The following ST3GAL4 variants were observed in gnomAD, a reference collection of about 807,000 sequenced individuals.
ST3GAL4 encodes the protein ST3 beta-galactoside alpha-2,3-sialyltransferase 4, also known as CMP-N-acetylneuraminate-beta-galactosamide-alpha-2,3-sialyltransferase 4.
In ST3GAL4, 24 loss-of-function variants were observed where a neutral mutation model predicts 42.6. The observed-to-expected ratio is 0.56, with a 90% CI of 0.41 to 0.79. ST3GAL4 has a LOEUF of 0.79. Among genes scored for constraint, ST3GAL4 ranks in the 30% least tolerant of loss-of-function variants. The pLI, the probability that ST3GAL4 is intolerant of heterozygous loss-of-function variation, is 0.00. For synonymous variants in ST3GAL4, 135 were observed against 163.2 expected, an observed-to-expected ratio of 0.83 and a Z score of 1.32; for missense variants, 311 against 430.8, an observed-to-expected ratio of 0.72 and a Z score of 2.46.
In ST3GAL4 at chr11:126,379,850, A is replaced by G. The variant is rs1000563062; in HGVS notation, c.-61+24008A>G. Among the ~76,000 whole-genome samples, 3 of 152,166 alleles carry G rather than the reference A, an allele frequency of 2.0e-5. No homozygotes were observed. Among genetic ancestry groups the G allele is most frequent in the Admixed American group, 6.5e-5 (1 of 15,272 alleles). On this transcript the variant is annotated intron_variant, in intron 1 of 10. Transcript: ENST00000444328. This position sits in a 1 kb window ranked among gnomAD's most constrained non-coding sequence, Gnocchi z 4.2. ...CTAAGAGAGCTCTCATTAGCTGTGAAACATGTACCCAAGGTTCAAGATCCT... is the reference window on the plus strand; with the variant it reads ...CTAAGAGAGCTCTCATTAGCTGTGAGACATGTACCCAAGGTTCAAGATCCT...
At position 126,406,708 on chromosome 11, in the gene ST3GAL4, C is replaced by T. The variant is rs1197143616; in HGVS notation, c.101+151C>T. The T allele has an allele frequency of 1.4e-5, 9 of 621,390 alleles. No individual in the cohort carries two copies. The highest frequency in any genetic ancestry group is 2.2e-5 in the Non-Finnish European group (8 of 370,226). The allele number at this position is 621,390 out of a possible 1,614,324, so 38.5% of individuals were successfully genotyped here. A position where few individuals can be genotyped will look rare whatever the true frequency, so the allele number is the denominator to read the frequency against. On this transcript the variant is annotated intron_variant, in intron 3 of 10. Transcript: ENST00000444328. The surrounding 1 kb of genome is among the most constrained non-coding windows in gnomAD (Gnocchi z 5.4). ...TTCAGCTGCTGGTACGGAGTGTTTC[C>T]ATGAGGGTGGGTGGGGGTAGGGCCT...
chr11:126,390,618 C>CTTTTTTTTTTTTTTT (rs58153137), intron 1 of ST3GAL4, among the ~76,000 whole-genome samples: 87 of 126,616 alleles, frequency 6.9e-4, no homozygotes, highest in Middle Eastern at 4.4e-3. Flanking sequence ...GTGTTCTTTG[C>CTTTTTTTTTTTTTTT]TTTTTTTTTT....
In ST3GAL4 at chr11:126,406,846, T is replaced by G. The variant is rs1954255935; in HGVS notation, c.102-97T>G. ...TTGAGATGATTCCTCCCCGGCACCT[T>G]GGGACCTTCATGCCGTGGGAGAAGG... On this transcript the variant is annotated intron_variant, in intron 3 of 10. Coordinates refer to ENST00000444328, the MANE Select transcript of ST3GAL4 (RefSeq NM_001254757.2). The surrounding 1 kb of genome is among the most constrained non-coding windows in gnomAD (Gnocchi z 5.4). 2.6e-6 allele frequency: 3 copies of G among 1,174,840 alleles called. No homozygotes were observed. The Admixed American group carries it at 5.6e-5, about 22-fold the overall frequency. 72.8% of individuals were successfully genotyped at this position (1,174,840 alleles called of 1,614,324 possible).
chr11:126,385,988 C>A (rs549099394), intron 1 of ST3GAL4, among the ~76,000 whole-genome samples: 1 of 152,252 alleles, frequency 6.6e-6, no homozygotes, highest in East Asian at 1.9e-4. Flanking sequence ...CCCTGGCACC[C>A]CCTTTCCTTC....
Position 126,406,421 on chromosome 11 carries a change from G to T in ST3GAL4, c.17-52G>T. The stretch of plus-strand genomic sequence containing the variant: ...GGGGGCAGGTGGGAAGGTGGACGGG[G>T]GTTGTACCTGCCTGTTGCTGCCTCT... On this transcript the variant is annotated intron_variant, in intron 2 of 10. Coordinates refer to ENST00000444328, the MANE Select transcript of ST3GAL4 (RefSeq NM_001254757.2). This position sits in a 1 kb window ranked among gnomAD's most constrained non-coding sequence, Gnocchi z 5.4. The T allele has an allele frequency of 6.2e-7, 1 of 1,613,588 alleles. No homozygotes were observed. Among genetic ancestry groups the T allele is most frequent in the African/African-American group, 1.3e-5 (1 of 75,036 alleles).
At position 126,414,430 on chromosome 11, in the gene ST3GAL4, T is replaced by TA. The variant is rs1954653335; in HGVS notation, c.*384dup. The TA allele has an allele frequency of 4.4e-6, 1 of 228,276 alleles. No homozygotes were observed. Among genetic ancestry groups the TA allele is most frequent in the Non-Finnish European group, 8.8e-6 (1 of 113,348 alleles). 14.1% of individuals were successfully genotyped at this position (228,276 alleles called of 1,614,324 possible). Reference sequence around the variant, plus strand: ...ATTCTGCCCACTTTTTATAAAAACTTACAGCGATGGCCCCACCAAGGCCTA... The same window carrying TA: ...ATTCTGCCCACTTTTTATAAAAACTTAACAGCGATGGCCCCACCAAGGCCTA... On this transcript the variant is annotated 3_prime_UTR_variant, in exon 11 of 11. Transcript: ENST00000444328.
rs1953958422 is a variant in ST3GAL4, at chr11:126,400,621, G to A, written c.-60-5475G>A. On this transcript the variant is annotated intron_variant, in intron 1 of 10. Transcript: ENST00000444328. This position sits in a 1 kb window ranked among gnomAD's most constrained non-coding sequence, Gnocchi z 4.6. Reference sequence around the variant, plus strand: ...GGGACCTTGGCTTCATGTAAGGAGTGCGGAGTGAGTGAAGCAAGAGGGTGA... The same window carrying A: ...GGGACCTTGGCTTCATGTAAGGAGTACGGAGTGAGTGAAGCAAGAGGGTGA... Among the ~76,000 whole-genome samples, 1 of 152,216 alleles carries A rather than the reference G, an allele frequency of 6.6e-6. No homozygotes were observed. The highest frequency in any genetic ancestry group is 6.5e-5 in the Admixed American group (1 of 15,280).
At chr11:126,413,469 G>A in intron 9 of ST3GAL4, 36 bp from the exon 10 acceptor site, 1 of 1,609,620 alleles carries the variant, frequency 6.2e-7, no homozygotes, top group Non-Finnish European at 8.5e-7. Context: ...GGAGGAGCAG[G>A]GCTCCCACTA....
chr11:126,386,061 G>A lies in ST3GAL4; in HGVS notation c.-60-20035G>A, dbSNP rs1377231016. Among the ~76,000 whole-genome samples the A allele has an allele frequency of 6.6e-6, 1 of 152,110 alleles. No homozygotes were observed. Among genetic ancestry groups the A allele is most frequent in the Admixed American group, 6.5e-5 (1 of 15,278 alleles). On this transcript the variant is annotated intron_variant, in intron 1 of 10. Coordinates refer to ENST00000444328, the MANE Select transcript of ST3GAL4 (RefSeq NM_001254757.2). This position sits in a 1 kb window ranked among gnomAD's most constrained non-coding sequence, Gnocchi z 4.7. Reference sequence around the variant, plus strand: ...GCACCCAGCCAGCTCAGAGTCTTGGGCACTTCTCTCAGTCTGGAACCTTCT... The same window carrying A: ...GCACCCAGCCAGCTCAGAGTCTTGGACACTTCTCTCAGTCTGGAACCTTCT...
chr11:126,403,704 G>C (rs145115580), intron 1 of ST3GAL4, among the ~76,000 whole-genome samples: 147 of 152,284 alleles, frequency 9.7e-4, no homozygotes, highest in African/African-American at 3.3e-3. Context: ...GGGAGGGTGA[G>C]AGAGGCTGCA....
rs1335507466 is a variant in ST3GAL4, at chr11:126,392,240, G to T, written c.-60-13856G>T. ...ACCCCCGTTAGGAGGAAGTAAGTAG[G>T]AAGGAAGGAGATTTCCTGGGTATTA... On this transcript the variant is annotated intron_variant, in intron 1 of 10. Coordinates refer to ENST00000444328, the MANE Select transcript of ST3GAL4 (RefSeq NM_001254757.2). This position sits in a 1 kb window ranked among gnomAD's most constrained non-coding sequence, Gnocchi z 5.8. 3 of 871,838 alleles carry T rather than the reference G, an allele frequency of 3.4e-6. No homozygotes were observed. Among genetic ancestry groups the T allele is most frequent in the Middle Eastern group, 1.2e-3 (2 of 1,730 alleles). The allele number at this position is 871,838 out of a possible 1,614,324, so 54.0% of individuals were successfully genotyped here. A position where few individuals can be genotyped will look rare whatever the true frequency, so the allele number is the denominator to read the frequency against.
At chr11:126,360,014 C>T (rs1001677299) in intron 1 of ST3GAL4, among the ~76,000 whole-genome samples, 1 of 152,254 alleles carries the variant, frequency 6.6e-6, no homozygotes. Flanking sequence ...ACCTTGGCTG[C>T]CTGGCCCTCC....
chr11:126,411,725 G>C lies in ST3GAL4; in HGVS notation c.772-1780G>C, dbSNP rs4937125. Among the ~76,000 whole-genome samples, 13,990 of 152,164 alleles carry C rather than the reference G, an allele frequency of 0.092. 1,278 individuals are homozygous for C. Among genetic ancestry groups the C allele is most frequent in the East Asian group, 0.5 (2,557 of 5,148 alleles). On this transcript the variant is annotated intron_variant, in intron 9 of 10. Coordinates refer to ENST00000444328, the MANE Select transcript of ST3GAL4 (RefSeq NM_001254757.2). This position sits in a 1 kb window ranked among gnomAD's most constrained non-coding sequence, Gnocchi z 6.3. The stretch of plus-strand genomic sequence containing the variant: ...GCTGGCTGTCAGCTGGAGGCTGGGG[G>C]CCACGCTCAGCTCTTGGAGGTGGCC...
Position 126,391,132 on chromosome 11 carries a change from A to G in ST3GAL4, c.-60-14964A>G, listed in dbSNP as rs1953497261. 6.6e-6 allele frequency among the ~76,000 whole-genome samples: 1 copy of G among 152,196 alleles called. No individual in the cohort carries two copies. The highest frequency in any genetic ancestry group is 2.4e-5 in the African/African-American group (1 of 41,456). On this transcript the variant is annotated intron_variant, in intron 1 of 10. Transcript: ENST00000444328. The surrounding 1 kb of genome is among the most constrained non-coding windows in gnomAD (Gnocchi z 5.5). Reference sequence around the variant, plus strand: ...TTCCACATTAGCTATTGCAAAGTCAATAATGCTGCTGTGACCACGGGTGTA... The same window carrying G: ...TTCCACATTAGCTATTGCAAAGTCAGTAATGCTGCTGTGACCACGGGTGTA...
chr11:126,357,835 C>T (rs947564353), intron 1 of ST3GAL4, among the ~76,000 whole-genome samples: 1 of 152,242 alleles, frequency 6.6e-6, no homozygotes, highest in African/African-American at 2.4e-5. Context: ...GAGGCTGCTC[C>T]TGGGGTTGTC....
At position 126,386,793 on chromosome 11, in the gene ST3GAL4, T is replaced by G. The variant is rs1057369676; in HGVS notation, c.-60-19303T>G. On this transcript the variant is annotated intron_variant, in intron 1 of 10. Coordinates refer to ENST00000444328, the MANE Select transcript of ST3GAL4 (RefSeq NM_001254757.2). This position sits in a 1 kb window ranked among gnomAD's most constrained non-coding sequence, Gnocchi z 4.7. The stretch of plus-strand genomic sequence containing the variant: ...TCTGTGCACATCCAGATCTTTGCAC[T>G]GCGCTGTTTTGACTTGGAGAGGAGA... 5.3e-5 allele frequency among the ~76,000 whole-genome samples: 8 copies of G among 152,218 alleles called. No homozygotes were observed. Among genetic ancestry groups the G allele is most frequent in the African/African-American group, 1.9e-4 (8 of 41,462 alleles).
intron 1 of ST3GAL4, among the ~76,000 whole-genome samples, chr11:126,361,089 C>G (rs1015919357): frequency 6.6e-6 from 1 of 152,180 alleles, no homozygotes; most frequent in Non-Finnish European, 1.5e-5. Context: ...CATTTCTCTA[C>G]CCATCACCCC....
At chr11:126,372,032 G>A (rs1213620059) in intron 1 of ST3GAL4, among the ~76,000 whole-genome samples, 6 of 152,128 alleles carry the variant, frequency 3.9e-5, no homozygotes, top group Non-Finnish European at 1.5e-5. Flanking sequence ...GATTGTTTTG[G>A]TGGTGGTTAT....
rs904070188 is a variant in ST3GAL4, at chr11:126,359,718, G to A, written c.-61+3876G>A. 6.8e-6 allele frequency among the ~76,000 whole-genome samples: 1 copy of A among 147,048 alleles called. No homozygotes were observed. Among genetic ancestry groups the A allele is most frequent in the African/African-American group, 2.7e-5 (1 of 37,610 alleles). On this transcript the variant is annotated intron_variant, in intron 1 of 10. Coordinates refer to ENST00000444328, the MANE Select transcript of ST3GAL4 (RefSeq NM_001254757.2). The surrounding 1 kb of genome is among the most constrained non-coding windows in gnomAD (Gnocchi z 4.8). ...AGCTGGGCGGGGCGGGGCAGGACAA[G>A]GTTCTTCTCCCTCCCTCCTTCCCTC...
Sources: gnomAD v4.1 joint callset for allele counts (sites outside exome capture counted in the v4.1 genomes callset) on GRCh38, gnomAD v4.1.1 for gene constraint, Gnocchi (gnomAD v3.1) non-coding constraint, MANE v1.5 for transcripts, NCBI Gene and HGNC (gene_info 2026-07-23, HGNC 2026-07-21) for gene names.